The following NID1 variants were observed in gnomAD, a reference collection of about 807,000 sequenced individuals.
The protein encoded by NID1 is nidogen-1.
A neutral mutation model predicts 130.6 loss-of-function variants in NID1; 76 were observed. That is an observed-to-expected ratio of 0.58 (90% confidence interval 0.48 to 0.70). NID1 has a LOEUF of 0.70. Ranked by LOEUF, NID1 falls within the 30% of genes least tolerant of loss-of-function variation. The pLI, the probability that NID1 is intolerant of heterozygous loss-of-function variation, is 0.00. For synonymous variants in NID1, 665 were observed against 675.1 expected (o/e 0.98, Z 0.23); for missense variants, 1,517 against 1,664.8 (o/e 0.91, Z 1.54).
At chr1:236,029,782 G>T (rs762549315) in intron 6 of NID1, 32 bp from the exon 7 acceptor site, 1 of 1,610,446 alleles carries the variant, frequency 6.2e-7, no homozygotes, top group Admixed American at 1.7e-5. Context: ...TCACTTTGCT[G>T]ACTGGGGAGC....
Position 236,042,185 on chromosome 1 carries a change from G to A in NID1, c.860C>T (p.Ala287Val), listed in dbSNP as rs1264388734. 1.9e-6 allele frequency: 3 copies of A among 1,613,850 alleles called. No homozygotes were observed. In the South Asian group the frequency reaches 3.3e-5, roughly 18 times the overall value. Residue 287 changes from alanine to valine, a missense_variant, in exon 4 of 20, where the codon GCA (alanine) becomes GTA (valine). By Grantham distance (64) the Ala-to-Val change is moderately conservative. This residue lies in a region of NID1 where 1,329 missense variants were observed against 1,429.2 expected (regional missense o/e 0.93). Transcript: ENST00000264187. ...ATCTTCATCCTCATCATCATACTCTGCCCCATCTTCAGTTCCGAGGATCAC... is the reference window on the plus strand; with the variant it reads ...ATCTTCATCCTCATCATCATACTCTACCCCATCTTCAGTTCCGAGGATCAC... ...ADVILGTEDGAEYDDEDEDYD... is the reference protein window; with the variant it reads ...ADVILGTEDGVEYDDEDEDYD...
intron 13 of NID1, 88 bp from the exon 14 acceptor site, chr1:235,991,146 C>T (rs2102799188): frequency 9.2e-7 from 1 of 1,087,904 alleles, no homozygotes; most frequent in Non-Finnish European, 1.3e-6. Context: ...CACATGCACG[C>T]ATGCACACAC....
intron 12 of NID1, among the ~76,000 whole-genome samples, chr1:235,994,576 AT>A (rs1272545666): frequency 6.6e-6 from 1 of 152,212 alleles, no homozygotes; most frequent in Non-Finnish European, 1.5e-5. Context: ...ATAATATTGC[AT>A]TGTAGGGACA....
In NID1 at chr1:236,029,635, C is replaced by T. The variant is rs1659039580; in HGVS notation, c.1653G>A (p.Glu551=). 3 of 1,612,128 alleles carry T rather than the reference C, an allele frequency of 1.9e-6. No individual in the cohort carries two copies. The highest frequency in any genetic ancestry group is 2.5e-6 in the Non-Finnish European group (3 of 1,179,280). ...GAATCTGCGGCACGCGGCCCTCCAG[C>T]TCCGTGTCGATGGTCAGGTGCCCAT... ...DEHGHLTIDT[E]LEGRVPQIPF... The change falls in exon 7 of 20, where the codon GAG becomes GAA. Residue 551 remains glutamate (E), a synonymous_variant. Coordinates refer to ENST00000264187, the MANE Select transcript of NID1 (RefSeq NM_002508.3).
intron 1 of NID1, among the ~76,000 whole-genome samples, chr1:236,059,647 A>G (rs1308591011): frequency 6.6e-6 from 1 of 152,212 alleles, no homozygotes; most frequent in Non-Finnish European, 1.5e-5. Context: ...TGAAATAGAA[A>G]TAGAAACAAA....
rs1383774512 is a variant in NID1 at position 236,022,292 on chromosome 1, A to G, written c.2128+1778T>C. 4.0e-5 allele frequency among the ~76,000 whole-genome samples: 6 copies of G among 151,842 alleles called. No homozygotes were observed. In the East Asian group the frequency reaches 1.2e-3, roughly 29 times the overall value. The stretch of plus-strand genomic sequence containing the variant: ...AAAAACAATAAAAATAAAATAAAAT[A>G]AATAAATAAATAGGAGAATGAAACT... On this transcript the variant is annotated intron_variant, in intron 9 of 19. Transcript: ENST00000264187.
intron 1 of NID1, among the ~76,000 whole-genome samples, chr1:236,050,795 T>C (rs1373250229): frequency 6.6e-6 from 1 of 152,060 alleles, no homozygotes; most frequent in African/African-American, 2.4e-5. Flanking sequence ...AAAAATCCCC[T>C]AGCTGGGTGC....
intron 1 of NID1, among the ~76,000 whole-genome samples, chr1:236,055,691 C>A (rs536265446): frequency 1.3e-5 from 2 of 151,616 alleles, no homozygotes; most frequent in Non-Finnish European, 1.5e-5. Context: ...ATACAACAAA[C>A]CTGATTGATC....
At chr1:236,013,816 T>G (rs1658503793) in intron 10 of NID1, among the ~76,000 whole-genome samples, 1 of 152,142 alleles carries the variant, frequency 6.6e-6, no homozygotes, top group Non-Finnish European at 1.5e-5. Flanking sequence ...GACCTCAGTT[T>G]CACTCTGGGG....
chr1:235,991,173 A>T, intron 13 of NID1, 115 bp from the exon 14 acceptor site: 2 of 785,708 alleles, frequency 2.5e-6, no homozygotes, highest in Non-Finnish European at 1.9e-6. Context: ...ACACCCACAC[A>T]TCAGGTCACA....
At chr1:236,000,831 A>G (rs1558427599) in intron 12 of NID1, among the ~76,000 whole-genome samples, 1 of 152,136 alleles carries the variant, frequency 6.6e-6, no homozygotes, top group Non-Finnish European at 1.5e-5. Flanking sequence ...TCATATACTC[A>G]ATAGAGTGGA....
intron 12 of NID1, among the ~76,000 whole-genome samples, chr1:236,004,686 C>T (rs188800145): frequency 0.016 from 2,179 of 136,582 alleles, 21 homozygotes; most frequent in Middle Eastern, 0.026. Context: ...GGTGTGAACC[C>T]GGGAGGCGGA....
At chr1:235,986,086 G>T (rs1016119995) in intron 14 of NID1, among the ~76,000 whole-genome samples, 2 of 152,112 alleles carry the variant, frequency 1.3e-5, no homozygotes, top group Non-Finnish European at 2.9e-5. Context: ...TATGTAGTTT[G>T]CTCTTTCATT....
intron 1 of NID1, among the ~76,000 whole-genome samples, chr1:236,049,928 C>T (rs558240735): frequency 5.3e-5 from 8 of 151,832 alleles, no homozygotes; most frequent in African/African-American, 1.4e-4. Flanking sequence ...CCCAGCTACT[C>T]GGGCGGCTGA....
intron 1 of NID1, among the ~76,000 whole-genome samples, chr1:236,051,262 T>G: frequency 2.2e-5 from 1 of 46,036 alleles, no homozygotes; most frequent in African/African-American, 8.3e-5. Context: ...CCCCTCCCCC[T>G]GCCCCTCCCC....
chr1:235,985,251 T>G, intron 15 of NID1, 128 bp downstream of exon 15: 2 of 940,564 alleles, frequency 2.1e-6, no homozygotes, highest in Non-Finnish European at 3.3e-6. Flanking sequence ...TTTATCGTAG[T>G]AATGCAACAA....
At chr1:236,063,073 G>C (rs1660085704) in intron 1 of NID1, among the ~76,000 whole-genome samples, 1 of 146,138 alleles carries the variant, frequency 6.8e-6, no homozygotes, top group African/African-American at 2.6e-5. Flanking sequence ...AAAATCGCTT[G>C]AACCTGGGAG....
chr1:236,025,991 G>T lies in NID1; in HGVS notation c.1889C>A (p.Thr630Asn). 2 of 1,613,820 alleles carry T rather than the reference G, an allele frequency of 1.2e-6. No individual in the cohort carries two copies. The highest frequency in any genetic ancestry group is 1.7e-6 in the Non-Finnish European group (2 of 1,179,982). The change falls in exon 8 of 20, where the codon ACC (threonine) becomes AAC (asparagine). Residue 630 changes from threonine (T) to asparagine (N), a missense_variant. Transcript: ENST00000264187. ...HDDSRPALPS[T>N]QQLSVDSVFV... ...CACGCTGTCCACCGAGAGCTGCTGG[G>T]TGCTGGGCAGGGCTGGCCGGGAGTC... is the stretch of plus-strand genomic sequence containing the variant.
Position 236,045,605 on chromosome 1 carries a change from G to C in NID1, c.604C>G (p.Gln202Glu), listed in dbSNP as rs777597043. 6.2e-7 allele frequency: 1 copy of C among 1,614,180 alleles called. No individual in the cohort carries two copies. The highest frequency in any genetic ancestry group is 8.5e-7 in the Non-Finnish European group (1 of 1,180,032). Residue 202 changes from glutamine to glutamate, a missense_variant, in exon 3 of 20, where the codon CAG becomes GAG. Gln to Glu is a conservative substitution (Grantham distance 29, BLOSUM62 2). Around this residue, in one of 3 missense-constraint regions of NID1, gnomAD observed 1,329 missense variants for 1,429.2 expected, o/e 0.93. Coordinates refer to ENST00000264187, the MANE Select transcript of NID1 (RefSeq NM_002508.3). ...AIFLYPEDGLQFHTTFSKKEN... is the reference protein window; with the variant it reads ...AIFLYPEDGLEFHTTFSKKEN... ...TTCTTTGAGAATGTCGTATGGAACTGCAGACCATCCTCAGGATAAAGGAAA... is the reference window on the plus strand; with the variant it reads ...TTCTTTGAGAATGTCGTATGGAACTCCAGACCATCCTCAGGATAAAGGAAA...
Sources: gnomAD v4.1 joint callset for allele counts (sites outside exome capture counted in the v4.1 genomes callset) on GRCh38, gnomAD v4.1.1 for gene constraint, gnomAD v4.1.1 regional missense constraint, MANE v1.5 for transcripts, NCBI Gene and HGNC (gene_info 2026-07-23, HGNC 2026-07-21) for gene names.